RBFOX1: variants seen among roughly 807,000 people sequenced by gnomAD.
The protein encoded by RBFOX1 is RNA binding protein fox-1 homolog 1.
In RBFOX1, 8 loss-of-function variants were observed where a neutral mutation model predicts 57.7. The ratio of observed to expected loss-of-function variants is 0.14; its 90% CI spans 0.08 to 0.25. The LOEUF is 0.25. Among genes scored for constraint, RBFOX1 ranks in the 10% least tolerant of loss-of-function variants. The pLI is 1.00. For synonymous variants in RBFOX1, 326 were observed against 222.4 expected, an observed-to-expected ratio of 1.47 and a Z score of -4.15; for missense variants, 611 against 548.5, an observed-to-expected ratio of 1.11 and a Z score of -1.14.
chr16:7,090,856 A>G (rs571162284), intron 4 of RBFOX1, among the ~76,000 whole-genome samples: 4 of 152,328 alleles, frequency 2.6e-5, no homozygotes, highest in South Asian at 2.1e-4. Context: ...CACTTGCCGT[A>G]GAATGAAGTA....
chr16:5,811,551 A>C (rs1213579968), intron 3 of RBFOX1, among the ~76,000 whole-genome samples: 1 of 151,586 alleles, frequency 6.6e-6, no homozygotes, highest in African/African-American at 2.4e-5. Flanking sequence ...TCCAGGTTAA[A>C]GTGATTTTCC....
intron 3 of RBFOX1, among the ~76,000 whole-genome samples, chr16:6,719,945 T>A (rs2065636994): frequency 6.6e-6 from 1 of 151,652 alleles, no homozygotes; most frequent in South Asian, 2.1e-4. Flanking sequence ...ATACAAGAAA[T>A]TAGCCGGGGG....
intron 3 of RBFOX1, among the ~76,000 whole-genome samples, chr16:5,637,508 T>A (rs555021472): frequency 3.9e-5 from 6 of 152,372 alleles, no homozygotes; most frequent in African/African-American, 1.4e-4. Flanking sequence ...ATGTCTATAA[T>A]GTGCTTAGTG....
chr16:7,621,329 C>A (rs985174236), intron 10 of RBFOX1, among the ~76,000 whole-genome samples: 1 of 151,852 alleles, frequency 6.6e-6, no homozygotes, highest in Non-Finnish European at 1.5e-5. Flanking sequence ...GGTGCAAGCT[C>A]AGTTCATTGC....
At chr16:6,901,135 G>T (rs1249626727) in intron 3 of RBFOX1, among the ~76,000 whole-genome samples, 2 of 152,108 alleles carry the variant, frequency 1.3e-5, no homozygotes, top group African/African-American at 2.4e-5. Context: ...TGTGTTTCCT[G>T]TTAGACTGTC....
chr16:5,408,869 G>A (rs1312873389), intron 1 of RBFOX1, among the ~76,000 whole-genome samples: 3 of 152,190 alleles, frequency 2.0e-5, no homozygotes, highest in African/African-American at 7.2e-5. Context: ...TCACAGTCAC[G>A]AAGACTGTTC....
At chr16:7,589,162 T>C (rs2094301080) in intron 7 of RBFOX1, among the ~76,000 whole-genome samples, 2 of 152,332 alleles carry the variant, frequency 1.3e-5, no homozygotes, top group Non-Finnish European at 1.5e-5. Context: ...GGCGAAATTG[T>C]AGATGACCCG....
rs532892647 is a variant in RBFOX1 at position 6,734,493 on chromosome 16, G to A, written c.-16+79843G>A. ...TTGCCTCATTACAGATGAGGACATG[G>A]GTCCAGGAAGTTAAACCACTTACTT... On this transcript the variant is annotated intron_variant, in intron 3 of 15. Transcript: ENST00000550418. Among the ~76,000 whole-genome samples the A allele has an allele frequency of 1.6e-4, 25 of 152,246 alleles. No individual in the cohort carries two copies. The South Asian group carries it at 2.1e-3, about 13-fold the overall frequency.
chr16:7,200,827 T>C (rs2088193252), intron 4 of RBFOX1, among the ~76,000 whole-genome samples: 1 of 152,200 alleles, frequency 6.6e-6, no homozygotes, highest in Admixed American at 6.5e-5. Flanking sequence ...ATAGGCCCTT[T>C]CATGCTTTCT....
chr16:5,871,812 G>C (rs1213750561), intron 4 of RBFOX1, among the ~76,000 whole-genome samples: 1 of 152,206 alleles, frequency 6.6e-6, no homozygotes, highest in African/African-American at 2.4e-5. Context: ...TAATGGCAAT[G>C]TAAACTCAGT....
intron 3 of RBFOX1, among the ~76,000 whole-genome samples, chr16:6,906,836 C>T (rs2070117137): frequency 6.6e-6 from 1 of 151,590 alleles, no homozygotes; most frequent in African/African-American, 2.4e-5. Flanking sequence ...AATTCTCCTG[C>T]CTCAGCCTCC....
chr16:6,755,787 C>T (rs2075693404), intron 3 of RBFOX1, among the ~76,000 whole-genome samples: 1 of 152,176 alleles, frequency 6.6e-6, no homozygotes, highest in African/African-American at 2.4e-5. Context: ...TTCTCCCCTT[C>T]TTTTAACTGT....
chr16:7,610,157 T>C lies in RBFOX1; in HGVS notation c.676+2819T>C, dbSNP rs373363359. 5.1e-5 allele frequency among the ~76,000 whole-genome samples: 6 copies of C among 117,550 alleles called. No individual in the cohort carries two copies. In the South Asian group the frequency reaches 1.1e-3, roughly 22 times the overall value. 77.1% of individuals were successfully genotyped at this position (117,550 alleles called of 152,430 possible). A position where few individuals can be genotyped will look rare whatever the true frequency, so the allele number is the denominator to read the frequency against. On this transcript the variant is annotated intron_variant, in intron 10 of 15. Coordinates refer to ENST00000550418, the MANE Select transcript of RBFOX1 (RefSeq NM_018723.4). Reference sequence around the variant, plus strand: ...TTTTTTTTGAGGCAGTTTTGCTCTGTTGCCCAGGCTGGAGTGCAGTGGCAT... The same window carrying C: ...TTTTTTTTGAGGCAGTTTTGCTCTGCTGCCCAGGCTGGAGTGCAGTGGCAT...
chr16:6,949,893 A>G (rs957787115), intron 3 of RBFOX1, among the ~76,000 whole-genome samples: 1 of 151,078 alleles, frequency 6.6e-6, no homozygotes, highest in African/African-American at 2.4e-5. Context: ...TCCCTTTAAA[A>G]CTGTCTTCAT....
intron 3 of RBFOX1, among the ~76,000 whole-genome samples, chr16:5,673,916 G>C (rs564633119): frequency 6.6e-6 from 1 of 152,202 alleles, no homozygotes; most frequent in Non-Finnish European, 1.5e-5. Flanking sequence ...ATCAAGGCTG[G>C]TTACAAAACC....
intron 4 of RBFOX1, among the ~76,000 whole-genome samples, chr16:5,995,157 C>T (rs938790318): frequency 7.9e-5 from 12 of 152,208 alleles, no homozygotes; most frequent in African/African-American, 2.9e-4. Flanking sequence ...TTAAAAACAA[C>T]TTTCCACATA....
chr16:7,550,398 G>A (rs977546115), intron 5 of RBFOX1, among the ~76,000 whole-genome samples: 1 of 152,122 alleles, frequency 6.6e-6, no homozygotes, highest in Non-Finnish European at 1.5e-5. Flanking sequence ...GCCCAGAGGG[G>A]GACCTTTATG....
At chr16:7,612,443 C>T (rs1414880396) in intron 10 of RBFOX1, among the ~76,000 whole-genome samples, 1 of 148,736 alleles carries the variant, frequency 6.7e-6, no homozygotes, top group East Asian at 2.0e-4. Flanking sequence ...TAAGTAAAAT[C>T]AAGGCAGTAA....
At chr16:6,536,652 G>C (rs751670026) in intron 2 of RBFOX1, among the ~76,000 whole-genome samples, 1 of 152,086 alleles carries the variant, frequency 6.6e-6, no homozygotes, top group Non-Finnish European at 1.5e-5. Context: ...AGCTAGTATG[G>C]CTTGTGAGGG....
Sources: allele counts gnomAD v4.1 joint callset (sites outside exome capture counted in the v4.1 genomes callset), GRCh38; gene constraint gnomAD v4.1.1; transcripts MANE v1.5; gene names NCBI Gene and HGNC (gene_info 2026-07-23, HGNC 2026-07-21).